The following SEPHS1 variants were observed in gnomAD, a reference collection of about 807,000 sequenced individuals.
SEPHS1 encodes the protein zincore component SEPHS1.
SEPHS1 carries 7 observed loss-of-function variants against 39.2 expected under a neutral mutation model. That is an observed-to-expected ratio of 0.18 (90% CI 0.10 to 0.34). The LOEUF (loss-of-function observed/expected upper bound fraction) is 0.34, where lower values mean the gene tolerates loss of function less well. SEPHS1 is among the 10% of genes least tolerant of loss of function. The pLI, the probability that SEPHS1 is intolerant of heterozygous loss-of-function variation, is 1.00. For missense variants in SEPHS1, 253 were observed against 514.5 expected, an observed-to-expected ratio of 0.49 and a Z score of 4.92; for synonymous variants, 190 against 195.5, an observed-to-expected ratio of 0.97 and a Z score of 0.23.
chr10:13,325,716 G>C (rs1180080381), intron 7 of SEPHS1, among the ~76,000 whole-genome samples: 1 of 151,766 alleles, frequency 6.6e-6, no homozygotes, highest in Admixed American at 6.6e-5. Context: ...GACCAACATG[G>C]TGAAACCCCG....
In SEPHS1 at chr10:13,319,162, T is replaced by G; in HGVS notation, c.1159A>C (p.Thr387Pro). The change falls in exon 9 of 9, where the codon ACA (threonine) becomes CCA (proline). Residue 387 changes from threonine (T) to proline (P), a missense_variant. This residue lies in a region of SEPHS1 where 19 missense variants were observed against 26.1 expected (regional missense o/e 0.73). Transcript: ENST00000327347. Reference protein sequence around the residue: ...PQVATQNVNPTPGATS With the variant: ...PQVATQNVNPPPGATS Reference sequence around the variant, plus strand: ...CTAGATTAAGAGGTGGCCCCGGGTGTGGGATTCACATTTTGAGTGGCCACT... The same window carrying G: ...CTAGATTAAGAGGTGGCCCCGGGTGGGGGATTCACATTTTGAGTGGCCACT... 1 of 1,612,958 alleles carries G rather than the reference T, an allele frequency of 6.2e-7. No individual in the cohort carries two copies. Among genetic ancestry groups the G allele is most frequent in the Non-Finnish European group, 8.5e-7 (1 of 1,179,662 alleles).
chr10:13,335,972 T>G (rs1273367536), intron 4 of SEPHS1, among the ~76,000 whole-genome samples: 1 of 121,378 alleles, frequency 8.2e-6, no homozygotes, highest in African/African-American at 2.9e-5. Flanking sequence ...AGAGTGAGAC[T>G]CCTGTCTCAA....
chr10:13,328,135 CA>C (rs1379516380), intron 7 of SEPHS1, among the ~76,000 whole-genome samples: 2 of 152,156 alleles, frequency 1.3e-5, no homozygotes, highest in African/African-American at 4.8e-5. Context: ...TCTGGTATGT[CA>C]GAAGTTAGGA....
chr10:13,338,157 C>T (rs1020245721), intron 3 of SEPHS1, among the ~76,000 whole-genome samples: 4 of 152,326 alleles, frequency 2.6e-5, no homozygotes, highest in Middle Eastern at 6.8e-3. Context: ...CAGAAACCTA[C>T]TATGTACAGC....
At chr10:13,331,025 C>T (rs1306504864) in intron 5 of SEPHS1, among the ~76,000 whole-genome samples, 2 of 152,078 alleles carry the variant, frequency 1.3e-5, no homozygotes, top group Non-Finnish European at 2.9e-5. Context: ...TGATGTTACC[C>T]GCCCTGTGTC....
intron 5 of SEPHS1, among the ~76,000 whole-genome samples, chr10:13,332,904 C>T (rs982918478): frequency 6.6e-6 from 1 of 151,714 alleles, no homozygotes; most frequent in African/African-American, 2.4e-5. Flanking sequence ...CTGACACATG[C>T]TACAAAATAG....
At chr10:13,325,895 CAAAAAAAAAAAAAAAAAAAAAAAAAAAA>C (rs562038894) in intron 7 of SEPHS1, among the ~76,000 whole-genome samples, 2 of 26,450 alleles carry the variant, frequency 7.6e-5, no homozygotes, top group South Asian at 2.2e-3. Flanking sequence ...GACTCCGTCT[CAAAAAAAAAAAAAAAAAAAAAAAAAAAA>C]AAAAAAAAAA....
Position 13,319,362 on chromosome 10 carries a change from A to G in SEPHS1, c.965-6T>C, listed in dbSNP as rs1487375208. On this transcript the variant is annotated splice_region_variant and splice_polypyrimidine_tract_variant and intron_variant, in intron 8 of 8. Transcript: ENST00000327347. Reference sequence around the variant, plus strand: ...TAAACAGATCAGAAGGCCGCCTGGCAAAAGAAAACAAGAATGACTGTTAGT... The same window carrying G: ...TAAACAGATCAGAAGGCCGCCTGGCGAAAGAAAACAAGAATGACTGTTAGT... 4 of 1,612,276 alleles carry G rather than the reference A, an allele frequency of 2.5e-6. No individual in the cohort carries two copies. The highest frequency in any genetic ancestry group is 2.5e-6 in the Non-Finnish European group (3 of 1,179,550).
At chr10:13,338,885 C>T in intron 2 of SEPHS1, 77 bp from the exon 3 acceptor site, 2 of 1,042,032 alleles carry the variant, frequency 1.9e-6, no homozygotes, top group Non-Finnish European at 3.0e-6. Context: ...GTGCTCTGAA[C>T]AGGAAGAGCT....
At chr10:13,325,939 TCAGTCTCA>T (rs1833262770) in intron 7 of SEPHS1, among the ~76,000 whole-genome samples, 1 of 25,872 alleles carries the variant, frequency 3.9e-5, no homozygotes, top group Non-Finnish European at 8.0e-5. Context: ...AAAAAGAGAC[TCAGTCTCA>T]AAAAAAAAAA....
Position 13,322,896 on chromosome 10 carries a change from C to G in SEPHS1, c.903G>C (p.Ala301=). The change falls in exon 8 of 9, where the codon GCG becomes GCC. Residue 301 remains alanine, a synonymous_variant. Transcript: ENST00000327347. The stretch of plus-strand genomic sequence containing the variant: ...ACATGTTTCCGCAGGCCTTGCTCAC[C>G]GCAGCCATCTTGGCCAGCACCGGGA... ...HNLPVLAKMA[A]VSKACGNMFG... is the part of the protein sequence containing the mutation. The G allele has an allele frequency of 1.9e-6, 3 of 1,613,932 alleles. No homozygotes were observed. The highest frequency in any genetic ancestry group is 2.5e-6 in the Non-Finnish European group (3 of 1,179,874).
chr10:13,328,020 T>C (rs2131700245), intron 7 of SEPHS1, among the ~76,000 whole-genome samples: 1 of 128,912 alleles, frequency 7.8e-6, no homozygotes, highest in East Asian at 3.3e-4. Flanking sequence ...GGTTATGTTC[T>C]GGAAATAGCT....
At chr10:13,343,813 C>CA (rs979192102) in intron 2 of SEPHS1, among the ~76,000 whole-genome samples, 41 of 149,864 alleles carry the variant, frequency 2.7e-4, no homozygotes, top group African/African-American at 1.2e-4. Flanking sequence ...GAATCCATTT[C>CA]AAAAAAAAAG....
intron 5 of SEPHS1, among the ~76,000 whole-genome samples, chr10:13,332,619 GGATCATGA>G (rs1833505420): frequency 1.3e-5 from 2 of 152,210 alleles, no homozygotes; most frequent in Middle Eastern, 3.4e-3. Context: ...TGAGGCGGTC[GGATCATGA>G]GATCAGGAGA....
intron 6 of SEPHS1, among the ~76,000 whole-genome samples, 192 bp downstream of exon 6, chr10:13,329,506 T>C (rs182603476): frequency 5.5e-4 from 84 of 152,326 alleles, no homozygotes; most frequent in African/African-American, 1.9e-3. Flanking sequence ...GCTTACCTAC[T>C]GCAATCAAGC....
chr10:13,345,509 T>C (rs1833895482), intron 1 of SEPHS1: 1 of 152,292 alleles, frequency 6.6e-6, no homozygotes. Context: ...AGGGCATTAA[T>C]GTAAATGCAT....
At chr10:13,322,244 T>C (rs1056268422) in intron 8 of SEPHS1, among the ~76,000 whole-genome samples, 1 of 151,394 alleles carries the variant, frequency 6.6e-6, no homozygotes, top group Non-Finnish European at 1.5e-5. Context: ...CAGGTTCAAG[T>C]GATTCTCCTG....
intron 8 of SEPHS1, among the ~76,000 whole-genome samples, chr10:13,320,812 G>C (rs1833088712): frequency 6.6e-6 from 1 of 152,210 alleles, no homozygotes; most frequent in African/African-American, 2.4e-5. Flanking sequence ...TGGGTGACAA[G>C]AGGAAAACTC....
At chr10:13,344,190 C>T (rs1292663046) in intron 2 of SEPHS1, among the ~76,000 whole-genome samples, 3 of 152,222 alleles carry the variant, frequency 2.0e-5, no homozygotes, top group Admixed American at 6.5e-5. Context: ...GACACAGTCA[C>T]TGCCATCCAA....
Sources: gnomAD v4.1 joint callset for allele counts (sites outside exome capture counted in the v4.1 genomes callset) on GRCh38, gnomAD v4.1.1 for gene constraint, gnomAD v4.1.1 regional missense constraint, MANE v1.5 for transcripts, NCBI Gene and HGNC (gene_info 2026-07-23, HGNC 2026-07-21) for gene names.